The following RICTOR variants were observed in gnomAD, a reference collection of about 807,000 sequenced individuals.
The protein encoded by RICTOR is rapamycin-insensitive companion of mTOR.
In RICTOR, 49 loss-of-function variants were observed where a neutral mutation model predicts 214.9. That is an observed-to-expected ratio of 0.23 (90% CI 0.18 to 0.29). RICTOR has a LOEUF of 0.29. Ranked by LOEUF, RICTOR falls within the 10% of genes least tolerant of loss-of-function variation. RICTOR has a pLI of 1.00. For missense variants in RICTOR, 1,625 were observed against 2,047.0 expected (o/e 0.79, Z 3.98); for synonymous variants, 717 against 711.3 (o/e 1.01, Z -0.13).
intron 31 of RICTOR, among the ~76,000 whole-genome samples, chr5:38,948,512 T>C (rs1748424612): frequency 6.6e-6 from 1 of 152,106 alleles, no homozygotes; most frequent in South Asian, 2.1e-4. Flanking sequence ...CTATCTATTC[T>C]ACCTATTGGG....
intron 3 of RICTOR, among the ~76,000 whole-genome samples, chr5:39,004,971 G>A (rs1281634125): frequency 6.6e-6 from 1 of 151,978 alleles, no homozygotes; most frequent in Non-Finnish European, 1.5e-5. Flanking sequence ...AGTAGAGACA[G>A]GGTTTCTCCA....
At chr5:39,005,346 CTT>C (rs544964194) in intron 3 of RICTOR, among the ~76,000 whole-genome samples, 10 of 144,744 alleles carry the variant, frequency 6.9e-5, no homozygotes, top group African/African-American at 1.8e-4. Context: ...CGTAAATCCT[CTT>C]TTTTTTTTTT....
At chr5:38,987,540 G>C (rs1447503117) in intron 7 of RICTOR, among the ~76,000 whole-genome samples, 2 of 152,142 alleles carry the variant, frequency 1.3e-5, no homozygotes, top group Admixed American at 1.3e-4. Context: ...CTGTATTTCT[G>C]TGGGATCAGT....
chr5:38,962,160 A>G (rs1225938832), intron 19 of RICTOR, among the ~76,000 whole-genome samples, 155 bp downstream of exon 19: 1 of 13,570 alleles, frequency 7.4e-5, no homozygotes, highest in Non-Finnish European at 2.7e-4. Flanking sequence ...GTTATAAAAT[A>G]AGACTATATT....
intron 7 of RICTOR, among the ~76,000 whole-genome samples, chr5:38,990,027 G>A (rs1349516147): frequency 3.3e-5 from 5 of 151,776 alleles, no homozygotes; most frequent in Non-Finnish European, 7.4e-5. Context: ...TTGTACTATA[G>A]AGGCACATGC....
At chr5:39,063,018 C>T (rs1014200542) in intron 2 of RICTOR, among the ~76,000 whole-genome samples, 2 of 151,946 alleles carry the variant, frequency 1.3e-5, no homozygotes, top group African/African-American at 4.8e-5. Flanking sequence ...ATAAAAACAC[C>T]ACCCATCCCA....
rs1748093412 is a variant in RICTOR at position 38,945,516 on chromosome 5, T to C, written c.4608A>G (p.Gln1536=). The C allele has an allele frequency of 1.2e-6, 2 of 1,613,448 alleles. No individual in the cohort carries two copies. Among genetic ancestry groups the C allele is most frequent in the Non-Finnish European group, 8.5e-7 (1 of 1,179,500 alleles). Residue 1536 remains glutamine, a synonymous_variant, in exon 34 of 38, where the codon CAA becomes CAG. Transcript: ENST00000357387. ...IEILGFQPSN[Q]LSAICSHSDF... Reference sequence around the variant, plus strand: ...CTGAATGACTACATATTGCACTCAGTTGGTTGCTGGGCTGGAAACCCAGAA... The same window carrying C: ...CTGAATGACTACATATTGCACTCAGCTGGTTGCTGGGCTGGAAACCCAGAA...
At chr5:38,982,092 A>C (rs1198446078) in intron 7 of RICTOR, 56 bp from the exon 8 acceptor site, 1 of 1,307,358 alleles carries the variant, frequency 7.6e-7, no homozygotes. Flanking sequence ...AAGTAATAAA[A>C]AATCTAGGCT....
intron 8 of RICTOR, among the ~76,000 whole-genome samples, chr5:38,979,949 TATTAAC>T (rs1408842024): frequency 2.0e-5 from 3 of 152,084 alleles, no homozygotes; most frequent in African/African-American, 7.2e-5. Context: ...TTACTGTGTG[TATTAAC>T]ATTATTTTTG....
intron 7 of RICTOR, among the ~76,000 whole-genome samples, chr5:38,984,707 G>A (rs549965451): frequency 9.7e-4 from 148 of 152,076 alleles, no homozygotes; most frequent in African/African-American, 3.1e-3. Context: ...AAGAAGGAAT[G>A]TAACCAACAC....
At chr5:38,982,166 A>C (rs1304178660) in intron 7 of RICTOR, 130 bp from the exon 8 acceptor site, 1 of 620,596 alleles carries the variant, frequency 1.6e-6, no homozygotes, top group East Asian at 2.8e-5. Flanking sequence ...AAGAACAGGT[A>C]GATAAAAGGA....
At chr5:39,070,387 T>C (rs1338062647) in intron 2 of RICTOR, among the ~76,000 whole-genome samples, 1 of 151,942 alleles carries the variant, frequency 6.6e-6, no homozygotes, top group Non-Finnish European at 1.5e-5. Context: ...GAGAATGGCG[T>C]GAACCCGGGA....
At chr5:39,038,046 T>C (rs1007715082) in intron 2 of RICTOR, among the ~76,000 whole-genome samples, 2 of 152,194 alleles carry the variant, frequency 1.3e-5, no homozygotes, top group African/African-American at 4.8e-5. Context: ...ATATCCCTGA[T>C]GAACATTGAT....
intron 2 of RICTOR, among the ~76,000 whole-genome samples, chr5:39,072,163 T>C (rs911072146): frequency 2.0e-5 from 3 of 152,212 alleles, no homozygotes; most frequent in Non-Finnish European, 4.4e-5. Context: ...CTGTGTATAC[T>C]TTATTCCAAA....
At position 38,999,889 on chromosome 5, in the gene RICTOR, T is replaced by C. The variant is rs186749905; in HGVS notation, c.392+2646A>G. Among the ~76,000 whole-genome samples the C allele has an allele frequency of 3.2e-3, 480 of 151,970 alleles. 1 individual carries two copies. Among genetic ancestry groups the C allele is most frequent in the Non-Finnish European group, 4.3e-3 (290 of 67,894 alleles). On this transcript the variant is annotated intron_variant, in intron 5 of 37. Transcript: ENST00000357387. ...TATATGATATTTACAGGGGAGACAC[T>C]TAAATGTAAAGACAAAAAAAGAAAG...
chr5:38,944,373 A>T, intron 36 of RICTOR, 73 bp downstream of exon 36: 4 of 1,443,700 alleles, frequency 2.8e-6, no homozygotes, highest in Non-Finnish European at 3.8e-6. Context: ...TAACTTTTGA[A>T]GTATTTCAAG....
At chr5:38,997,608 A>G (rs1753269116) in intron 5 of RICTOR, among the ~76,000 whole-genome samples, 1 of 152,182 alleles carries the variant, frequency 6.6e-6, no homozygotes. Flanking sequence ...GCCATGTCAG[A>G]GATGAGAGGT....
chr5:39,037,296 T>A (rs1409506672), intron 2 of RICTOR, among the ~76,000 whole-genome samples: 2 of 151,708 alleles, frequency 1.3e-5, no homozygotes, highest in Non-Finnish European at 2.9e-5. Flanking sequence ...CATACCAGAA[T>A]CTCTGGGACA....
intron 2 of RICTOR, among the ~76,000 whole-genome samples, chr5:39,065,421 G>C (rs1434126876): frequency 2.6e-5 from 4 of 152,150 alleles, no homozygotes; most frequent in Non-Finnish European, 5.9e-5. Context: ...TGAGATTCGG[G>C]TGGGGACAAA....
Sources: allele counts gnomAD v4.1 joint callset (sites outside exome capture counted in the v4.1 genomes callset), GRCh38; gene constraint gnomAD v4.1.1; transcripts MANE v1.5; gene names NCBI Gene and HGNC (gene_info 2026-07-23, HGNC 2026-07-21).